Variants in MATN2 observed in about 807,000 individuals in gnomAD.
The protein encoded by MATN2 is matrilin-2.
In MATN2, 69 loss-of-function variants were observed where a neutral mutation model predicts 103.2. The ratio of observed to expected loss-of-function variants is 0.67; its 90% CI spans 0.55 to 0.82. MATN2 has a LOEUF of 0.82. Ranked by LOEUF, MATN2 falls within the 40% of genes least tolerant of loss-of-function variation. The pLI is 0.00. For synonymous variants in MATN2, 429 were observed against 450.2 expected (o/e 0.95, Z 0.60); for missense variants, 1,023 against 1,211.5 (o/e 0.84, Z 2.31).
At chr8:97,994,381 T>G in intron 6 of MATN2, 99 bp from the exon 7 acceptor site, 1 of 1,349,504 alleles carries the variant, frequency 7.4e-7, no homozygotes, top group Non-Finnish European at 1.0e-6. Flanking sequence ...AGGTGTGGGA[T>G]TTTACCTGTT....
intron 2 of MATN2, among the ~76,000 whole-genome samples, chr8:97,911,298 G>C (rs1423417439): frequency 6.6e-6 from 1 of 151,882 alleles, no homozygotes; most frequent in Non-Finnish European, 1.5e-5. Flanking sequence ...AGTTTATTTA[G>C]AGCCATAGCA....
At chr8:97,918,154 C>T (rs759697301) in intron 2 of MATN2, among the ~76,000 whole-genome samples, 1 of 152,172 alleles carries the variant, frequency 6.6e-6, no homozygotes, top group Non-Finnish European at 1.5e-5. Context: ...GAATCTCTAG[C>T]GACCGTTCAG....
intron 2 of MATN2, among the ~76,000 whole-genome samples, chr8:97,911,559 T>A (rs1328016878): frequency 6.6e-6 from 1 of 151,378 alleles, no homozygotes; most frequent in Admixed American, 6.6e-5. Context: ...ATGCAAAAAA[T>A]AGCTGGGCAT....
intron 17 of MATN2, 60 bp downstream of exon 17, chr8:98,033,236 C>A: frequency 1.4e-6 from 2 of 1,441,236 alleles, no homozygotes; most frequent in African/African-American, 1.4e-5. Context: ...GGCTTGCCAA[C>A]AACCTTAGCT....
chr8:97,932,661 C>A (rs746855842), intron 3 of MATN2, among the ~76,000 whole-genome samples: 8 of 152,122 alleles, frequency 5.3e-5, no homozygotes, highest in Non-Finnish European at 1.0e-4. Flanking sequence ...CCTGCCTCTG[C>A]GGCTGCCTTT....
chr8:97,923,240 C>T (rs1455900702), intron 2 of MATN2, among the ~76,000 whole-genome samples: 2 of 151,862 alleles, frequency 1.3e-5, no homozygotes, highest in African/African-American at 4.8e-5. Flanking sequence ...CCCCAGTGTC[C>T]CTTTGAAACT....
At chr8:98,018,880 T>A (rs1358676199) in intron 12 of MATN2, among the ~76,000 whole-genome samples, 1 of 152,010 alleles carries the variant, frequency 6.6e-6, no homozygotes. Context: ...TCAGAGGGAT[T>A]TCCTGTGGGT....
In MATN2 at chr8:98,021,230, C is replaced by T. The variant is rs1236890651; in HGVS notation, c.1845C>T (p.His615=). Residue 615 remains histidine (H), a synonymous_variant, in exon 13 of 19, where the codon CAC becomes CAT. Coordinates refer to ENST00000254898, the MANE Select transcript of MATN2 (RefSeq NM_002380.5). ...CRRKDVCKST[H]HGCEHICVNN... ...GGAAGGATGTCTGCAAATCAACCCA[C>T]CATGGCTGCGAACACATTTGTGTTA... The T allele has an allele frequency of 3.7e-6, 6 of 1,613,540 alleles. No homozygotes were observed. The Admixed American group carries it at 6.7e-5, about 18-fold the overall frequency.
chr8:97,900,943 C>A (rs7842845), intron 2 of MATN2, among the ~76,000 whole-genome samples: 57,749 of 151,398 alleles, frequency 0.38, 11,859 homozygotes, highest in African/African-American at 0.51. Context: ...CCCGCCCCCC[C>A]AAAAAAAGAT....
intron 12 of MATN2, 121 bp from the exon 13 acceptor site, chr8:98,021,084 G>T: frequency 1.1e-6 from 1 of 925,102 alleles, no homozygotes; most frequent in Non-Finnish European, 1.6e-6. Context: ...TATGAAGGAG[G>T]TTTGAAGAGA....
intron 2 of MATN2, among the ~76,000 whole-genome samples, chr8:97,899,285 G>C (rs969253002): frequency 2.0e-5 from 3 of 152,124 alleles, no homozygotes; most frequent in African/African-American, 7.2e-5. Flanking sequence ...AGCTGAGCAA[G>C]GTGCCTGGTA....
chr8:98,026,542 C>A (rs374017870), intron 13 of MATN2, among the ~76,000 whole-genome samples: 2 of 152,304 alleles, frequency 1.3e-5, no homozygotes, highest in East Asian at 3.9e-4. Flanking sequence ...TAGGCGTGAG[C>A]CACTGCACTA....
At chr8:97,923,314 C>T (rs1809876439) in intron 2 of MATN2, among the ~76,000 whole-genome samples, 1 of 152,084 alleles carries the variant, frequency 6.6e-6, no homozygotes, top group African/African-American at 2.4e-5. Context: ...AATCATGCTT[C>T]ATAGTGTTTT....
intron 10 of MATN2, 150 bp from the exon 11 acceptor site, chr8:98,016,390 C>A: frequency 1.5e-6 from 1 of 686,934 alleles, no homozygotes; most frequent in Non-Finnish European, 2.4e-6. Flanking sequence ...AATTTTTGCT[C>A]ATAGACATGC....
intron 16 of MATN2, among the ~76,000 whole-genome samples, chr8:98,032,828 G>T (rs763088189): frequency 6.6e-6 from 1 of 151,986 alleles, no homozygotes; most frequent in African/African-American, 2.4e-5. Context: ...CACTGTGCCC[G>T]GCTGTTTTTG....
At chr8:98,018,181 T>C (rs1009555393) in intron 12 of MATN2, 65 bp downstream of exon 12, 2 of 1,596,896 alleles carry the variant, frequency 1.3e-6, no homozygotes, top group African/African-American at 2.7e-5. Context: ...GAGAAGTTCA[T>C]TTAATCCTTA....
intron 2 of MATN2, 36 bp downstream of exon 2, chr8:97,888,278 T>G (rs924954196): frequency 1.4e-6 from 2 of 1,475,252 alleles, no homozygotes; most frequent in Admixed American, 5.2e-5. Flanking sequence ...AGTGGGCAGG[T>G]GGGGGTGGTT....
chr8:98,010,067 C>T (rs547651843), intron 10 of MATN2, among the ~76,000 whole-genome samples: 6 of 152,208 alleles, frequency 3.9e-5, no homozygotes, highest in Non-Finnish European at 8.8e-5. Context: ...CATTGCACTC[C>T]TTGATTTGGC....
chr8:97,981,714 C>CTACCT (rs1429008607), intron 6 of MATN2, among the ~76,000 whole-genome samples: 2 of 152,164 alleles, frequency 1.3e-5, no homozygotes, highest in Non-Finnish European at 2.9e-5. Context: ...CCTGCCTCTC[C>CTACCT]AGACTGCACA....
Sources: allele counts gnomAD v4.1 joint callset (sites outside exome capture counted in the v4.1 genomes callset), GRCh38; gene constraint gnomAD v4.1.1; transcripts MANE v1.5; gene names NCBI Gene and HGNC (gene_info 2026-07-23, HGNC 2026-07-21).